Variants in JARID2 observed in about 807,000 individuals in gnomAD.
JARID2 encodes the protein jumonji and AT-rich interaction domain containing 2.
JARID2 carries 21 observed loss-of-function variants against 125.6 expected under a neutral mutation model. The ratio of observed to expected loss-of-function variants is 0.17; its 90% CI spans 0.12 to 0.24. JARID2 has a LOEUF of 0.24. JARID2 is among the 10% of genes least tolerant of loss of function. The pLI is 1.00. For synonymous variants in JARID2, 736 were observed against 661.6 expected, an observed-to-expected ratio of 1.11 and a Z score of -1.73; for missense variants, 1,303 against 1,639.6, an observed-to-expected ratio of 0.79 and a Z score of 3.55.
In JARID2 at chr6:15,500,831, T is replaced by TAC. The variant is rs1209912796; in HGVS notation, c.1946-74_1946-73dup. 9 of 1,306,726 alleles carry TAC rather than the reference T, an allele frequency of 6.9e-6. No individual in the cohort carries two copies. In the South Asian group the frequency reaches 1.2e-4, roughly 18 times the overall value. The allele number at this position is 1,306,726 out of a possible 1,614,324, so 80.9% of individuals were successfully genotyped here. ...TGGCTCATAGTAGGAGTTCAAGAAG[T>TAC]ACAGGTTGAATGAGGAACATCTTGT... On this transcript the variant is annotated intron_variant, in intron 7 of 17. Transcript: ENST00000341776.
intron 2 of JARID2, among the ~76,000 whole-genome samples, chr6:15,381,012 T>C (rs993214854): frequency 4.0e-5 from 6 of 151,810 alleles, no homozygotes; most frequent in Non-Finnish European, 7.4e-5. Flanking sequence ...GTGCCTACTT[T>C]ATCATTATCA....
chr6:15,358,977 C>T (rs1763698946), intron 1 of JARID2, among the ~76,000 whole-genome samples: 2 of 152,230 alleles, frequency 1.3e-5, no homozygotes, highest in Non-Finnish European at 2.9e-5. Flanking sequence ...CCAGGGCGGC[C>T]ATGCCTGACC....
In JARID2 at chr6:15,355,213, TTTTAA is replaced by T. The variant is rs200555711; in HGVS notation, c.46-18888_46-18884del. ...CTGTACTTTGTATTGATAAGCTACT[TTTTAA>T]TTTAATTTAATTTAAGTGATACTTT... On this transcript the variant is annotated intron_variant, in intron 1 of 17. Transcript: ENST00000341776. 5.4e-3 allele frequency among the ~76,000 whole-genome samples: 828 copies of T among 152,290 alleles called. 9 individuals carry two copies. The highest frequency in any genetic ancestry group is 0.036 in the Admixed American group (552 of 15,302).
At chr6:15,443,087 TA>T (rs60513458) in intron 3 of JARID2, among the ~76,000 whole-genome samples, 293 of 144,412 alleles carry the variant, frequency 2.0e-3, no homozygotes, top group Middle Eastern at 7.0e-3. Context: ...TCCCTGGAAT[TA>T]AAAAAAAAAA....
At chr6:15,419,143 G>A (rs1581535979) in intron 3 of JARID2, among the ~76,000 whole-genome samples, 1 of 152,144 alleles carries the variant, frequency 6.6e-6, no homozygotes, top group African/African-American at 2.4e-5. Flanking sequence ...AAAACAATCA[G>A]CAAAAGGCTT....
intron 6 of JARID2, among the ~76,000 whole-genome samples, chr6:15,492,236 CAAGCACTTA>C (rs1770185068): frequency 6.6e-6 from 1 of 152,242 alleles, no homozygotes; most frequent in African/African-American, 2.4e-5. Flanking sequence ...GGAGTAACTT[CAAGCACTTA>C]TGTATAAAGC....
intron 8 of JARID2, among the ~76,000 whole-genome samples, chr6:15,502,084 C>T (rs1375575647): frequency 1.3e-5 from 2 of 152,254 alleles, no homozygotes; most frequent in African/African-American, 4.8e-5. Context: ...CATTCACACG[C>T]TGTGGAGGGA....
At chr6:15,509,464 C>T (rs1239131242) in intron 12 of JARID2, 10 of 523,366 alleles carry the variant, frequency 1.9e-5, no homozygotes, top group Admixed American at 6.4e-5. Flanking sequence ...GGAGCCCTCC[C>T]TTCCCACATG....
chr6:15,272,133 G>C (rs992369983), intron 1 of JARID2, among the ~76,000 whole-genome samples: 2 of 152,104 alleles, frequency 1.3e-5, no homozygotes, highest in African/African-American at 4.8e-5. Context: ...TCAAAAAAAC[G>C]AAAAAACAGC....
At chr6:15,336,413 T>C (rs1335735555) in intron 1 of JARID2, among the ~76,000 whole-genome samples, 4 of 152,244 alleles carry the variant, frequency 2.6e-5, no homozygotes, top group Admixed American at 6.5e-5. Context: ...TTGGTCAAAC[T>C]CAAAAAGTAA....
At chr6:15,442,048 T>C (rs1308271899) in intron 3 of JARID2, among the ~76,000 whole-genome samples, 1 of 152,092 alleles carries the variant, frequency 6.6e-6, no homozygotes, top group Admixed American at 6.6e-5. Context: ...TGGATTTTTA[T>C]TTTTTAATAA....
intron 1 of JARID2, chr6:15,248,796 C>T (rs982337189): frequency 4.9e-6 from 2 of 406,666 alleles, no homozygotes; most frequent in African/African-American, 2.2e-5. Flanking sequence ...TCCTCCGTGA[C>T]GTCAAAAGTC....
At chr6:15,382,792 G>A (rs1318762226) in intron 2 of JARID2, among the ~76,000 whole-genome samples, 3 of 152,224 alleles carry the variant, frequency 2.0e-5, no homozygotes, top group African/African-American at 7.2e-5. Flanking sequence ...AGGTGCCTGA[G>A]GAGGTTAATG....
chr6:15,479,939 A>G (rs1410344035), intron 5 of JARID2, among the ~76,000 whole-genome samples: 1 of 152,266 alleles, frequency 6.6e-6, no homozygotes, highest in Non-Finnish European at 1.5e-5. Flanking sequence ...GTTTTCAGAC[A>G]ATAGTGACTC....
chr6:15,384,539 G>A (rs1387073831), intron 2 of JARID2, among the ~76,000 whole-genome samples: 3 of 152,036 alleles, frequency 2.0e-5, no homozygotes, highest in Non-Finnish European at 2.9e-5. Flanking sequence ...GGAGTCATCT[G>A]TTACTTCTTT....
At chr6:15,510,056 GAA>G (rs1263787414) in intron 12 of JARID2, among the ~76,000 whole-genome samples, 2 of 152,142 alleles carry the variant, frequency 1.3e-5, no homozygotes, top group African/African-American at 4.8e-5. Context: ...GCCTCAGAGA[GAA>G]ATGCTTTCAT....
chr6:15,511,973 C>G (rs936694937), intron 13 of JARID2, among the ~76,000 whole-genome samples: 3 of 152,206 alleles, frequency 2.0e-5, no homozygotes, highest in Non-Finnish European at 4.4e-5. Context: ...CACGTGGGGA[C>G]AGAGGGGCCT....
At chr6:15,304,777 T>G (rs1341911850) in intron 1 of JARID2, among the ~76,000 whole-genome samples, 1 of 152,174 alleles carries the variant, frequency 6.6e-6, no homozygotes. Context: ...TTTCTTAGAT[T>G]ATGAGCATTT....
In JARID2 at chr6:15,513,002, G is replaced by C; in HGVS notation, c.3223G>C (p.Gly1075Arg). 1 of 1,613,916 alleles carries C rather than the reference G, an allele frequency of 6.2e-7. No homozygotes were observed. The highest frequency in any genetic ancestry group is 8.5e-7 in the Non-Finnish European group (1 of 1,180,000). ...IAQAEAKKEN[G>R]PTLSTISALL... ...ACAAGCAGAAGCAAAAAAAGAAAAC[G>C]GTCCCACTCTCAGTACCATCTCAGC... Residue 1075 changes from glycine to arginine, a missense_variant, in exon 15 of 18, where the codon GGT (glycine) becomes CGT (arginine). Around this residue, in one of 11 missense-constraint regions of JARID2, gnomAD observed 190 missense variants for 341.4 expected, o/e 0.56. Coordinates refer to ENST00000341776, the MANE Select transcript of JARID2 (RefSeq NM_004973.4).
Sources: allele counts gnomAD v4.1 joint callset (sites outside exome capture counted in the v4.1 genomes callset), GRCh38; gene constraint gnomAD v4.1.1; regional missense constraint gnomAD v4.1.1; transcripts MANE v1.5; gene names NCBI Gene and HGNC (gene_info 2026-07-23, HGNC 2026-07-21).